SORCS1: variants seen among roughly 807,000 people sequenced by gnomAD.
SORCS1 encodes sortilin related VPS10 domain containing receptor 1, also known as VPS10 domain-containing receptor SorCS1.
Under a neutral mutation model 146.1 loss-of-function variants are expected in SORCS1, and 60 were observed. The ratio of observed to expected loss-of-function variants is 0.41; its 90% CI spans 0.33 to 0.51. SORCS1 has a LOEUF of 0.51. Ranked by LOEUF, SORCS1 falls within the 20% of genes least tolerant of loss-of-function variation. The pLI, the probability that SORCS1 is intolerant of heterozygous loss-of-function variation, is 0.21. For missense variants in SORCS1, 1,352 were observed against 1,487.6 expected (o/e 0.91, Z 1.50); for synonymous variants, 637 against 584.0 (o/e 1.09, Z -1.31).
chr10:106,640,857 T>C (rs1849028026), intron 18 of SORCS1, among the ~76,000 whole-genome samples: 1 of 152,232 alleles, frequency 6.6e-6, no homozygotes, highest in South Asian at 2.1e-4. Flanking sequence ...TCAGGCATGG[T>C]TTGAAAATGT....
intron 5 of SORCS1, among the ~76,000 whole-genome samples, chr10:106,745,126 G>A (rs989844870): frequency 2.6e-5 from 4 of 152,058 alleles, no homozygotes; most frequent in African/African-American, 9.7e-5. Context: ...TATTAGTAAA[G>A]AAACAATAAG....
chr10:107,174,483 C>T, the SORCS1 span, among the ~76,000 whole-genome samples: 489 of 152,294 alleles, frequency 3.2e-3, 4 homozygotes, highest in African/African-American at 0.011. Flanking sequence ...GCTGGGATTA[C>T]AGGCATGAGC....
At chr10:106,723,566 G>A (rs1855933248) in intron 6 of SORCS1, among the ~76,000 whole-genome samples, 1 of 152,106 alleles carries the variant, frequency 6.6e-6, no homozygotes. Context: ...TTGTAGTTGA[G>A]CCTGCTCTTT....
At chr10:107,096,727 G>A (rs1964567324) in intron 1 of SORCS1, among the ~76,000 whole-genome samples, 1 of 152,042 alleles carries the variant, frequency 6.6e-6, no homozygotes, top group African/African-American at 2.4e-5. Context: ...GGCCAGGCTG[G>A]TCTCGAACTC....
rs1291380415 is a variant in SORCS1 at position 106,764,915 on chromosome 10, C to T, written c.886-3254G>A. Among the ~76,000 whole-genome samples the T allele has an allele frequency of 2.7e-5, 4 of 149,732 alleles. No individual in the cohort carries two copies. In the East Asian group the frequency reaches 6.0e-4, roughly 23 times the overall value. On this transcript the variant is annotated intron_variant, in intron 4 of 25. Transcript: ENST00000263054. Reference sequence around the variant, plus strand: ...GCCGGTGCCTGTAGTCCCAGCTACTCGGGAGACTGAGGCAGGAGGATGGTG... The same window carrying T: ...GCCGGTGCCTGTAGTCCCAGCTACTTGGGAGACTGAGGCAGGAGGATGGTG...
At chr10:106,840,861 ATATTTTTT>A (rs1441417155) in intron 2 of SORCS1, among the ~76,000 whole-genome samples, 6 of 121,724 alleles carry the variant, frequency 4.9e-5, no homozygotes, top group Non-Finnish European at 8.8e-5. Context: ...ATATATATAT[ATATTTTTT>A]TTTTTTGGAT....
intron 1 of SORCS1, among the ~76,000 whole-genome samples, chr10:107,058,925 G>T (rs753658615): frequency 1.9e-4 from 29 of 152,122 alleles, no homozygotes; most frequent in African/African-American, 6.8e-4. Context: ...ACACAATTTT[G>T]CAACTTTTTC....
intron 5 of SORCS1, among the ~76,000 whole-genome samples, chr10:106,750,936 G>A (rs1490511750): frequency 4.8e-5 from 7 of 147,122 alleles, no homozygotes; most frequent in Admixed American, 4.7e-4. Context: ...GGCGGGCGCC[G>A]TAGTCCCAGC....
chr10:107,110,484 A>G (rs928410686), intron 1 of SORCS1, among the ~76,000 whole-genome samples: 1 of 152,034 alleles, frequency 6.6e-6, no homozygotes, highest in Non-Finnish European at 1.5e-5. Context: ...GGCAAACACA[A>G]GAGCAAGCTA....
At chr10:107,062,874 TTTTG>T (rs1185986618) in intron 1 of SORCS1, among the ~76,000 whole-genome samples, 3 of 152,164 alleles carry the variant, frequency 2.0e-5, no homozygotes, top group Admixed American at 6.6e-5. Context: ...CAGTCTGCTG[TTTTG>T]TTTTTGTTTT....
At chr10:106,649,013 G>C (rs377209747) in intron 18 of SORCS1, among the ~76,000 whole-genome samples, 75 of 152,118 alleles carry the variant, frequency 4.9e-4, no homozygotes, top group Middle Eastern at 3.4e-3. Context: ...CTGAGTGGCC[G>C]GACTCCAGTG....
intron 18 of SORCS1, among the ~76,000 whole-genome samples, chr10:106,649,261 A>G (rs192191242): frequency 6.6e-6 from 1 of 152,252 alleles, no homozygotes; most frequent in East Asian, 1.9e-4. Flanking sequence ...CATGGTAGCA[A>G]ACGCCTACTG....
intron 2 of SORCS1, among the ~76,000 whole-genome samples, chr10:106,862,045 TA>T (rs916578497): frequency 6.6e-6 from 1 of 152,098 alleles, no homozygotes; most frequent in Non-Finnish European, 1.5e-5. Flanking sequence ...TTGAATGAGG[TA>T]AAAAAATGAG....
At chr10:106,803,225 G>A (rs1207940937) in intron 3 of SORCS1, among the ~76,000 whole-genome samples, 2 of 152,092 alleles carry the variant, frequency 1.3e-5, no homozygotes, top group Non-Finnish European at 2.9e-5. Context: ...AATGAAAATC[G>A]TGGTTCAAGA....
intron 1 of SORCS1, among the ~76,000 whole-genome samples, chr10:107,034,701 A>AC (rs1448266538): frequency 2.0e-5 from 3 of 147,248 alleles, no homozygotes; most frequent in Middle Eastern, 3.4e-3. Context: ...AAAAAAAAAA[A>AC]AAAAAACAAT....
At chr10:106,629,510 C>T (rs1462501024) in intron 18 of SORCS1, 122 bp from the exon 19 acceptor site, 7 of 918,718 alleles carry the variant, frequency 7.6e-6, no homozygotes, top group Non-Finnish European at 9.8e-6. Context: ...TGGCTCACTC[C>T]TACAGCTAGG....
chr10:106,630,767 C>T (rs1848395791), intron 18 of SORCS1, among the ~76,000 whole-genome samples: 1 of 151,864 alleles, frequency 6.6e-6, no homozygotes, highest in South Asian at 2.1e-4. Context: ...CCCTTTAAAG[C>T]TTAATTGAAA....
chr10:106,842,136 C>A (rs544607408), intron 2 of SORCS1, among the ~76,000 whole-genome samples: 21 of 151,824 alleles, frequency 1.4e-4, no homozygotes, highest in African/African-American at 4.9e-4. Context: ...TGTATAGCAG[C>A]GTATCATTTT....
At chr10:106,883,716 A>G (rs1288587357) in intron 2 of SORCS1, among the ~76,000 whole-genome samples, 1 of 152,188 alleles carries the variant, frequency 6.6e-6, no homozygotes, top group Admixed American at 6.5e-5. Flanking sequence ...CCCGGCCTTC[A>G]AATCTATTAA....
Sources: allele counts gnomAD v4.1 joint callset (sites outside exome capture counted in the v4.1 genomes callset), GRCh38; gene constraint gnomAD v4.1.1; transcripts MANE v1.5; gene names NCBI Gene and HGNC (gene_info 2026-07-23, HGNC 2026-07-21).